The following ARL15 variants were observed in gnomAD, a reference collection of about 807,000 sequenced individuals.
ARL15 encodes the protein ARF like GTPase 15.
Under a neutral mutation model 25.2 loss-of-function variants are expected in ARL15, and 19 were observed. The observed-to-expected ratio is 0.75, with a 90% CI of 0.53 to 1.10. The LOEUF (loss-of-function observed/expected upper bound fraction) is 1.10. Ranked by LOEUF, ARL15 falls within the 50% of genes least tolerant of loss-of-function variation. The pLI, the probability that ARL15 is intolerant of heterozygous loss-of-function variation, is 0.00. For missense variants in ARL15, 220 were observed against 246.0 expected, an observed-to-expected ratio of 0.89 and a Z score of 0.71; for synonymous variants, 94 against 86.8, an observed-to-expected ratio of 1.08 and a Z score of -0.46.
intron 4 of ARL15, among the ~76,000 whole-genome samples, chr5:54,061,653 C>T (rs894453624): frequency 3.3e-5 from 5 of 152,100 alleles, no homozygotes; most frequent in African/African-American, 1.2e-4. Flanking sequence ...GGAACCTCCA[C>T]CTAGATTTGA....
chr5:54,164,244 T>C (rs1262625231), intron 2 of ARL15, among the ~76,000 whole-genome samples: 1 of 152,066 alleles, frequency 6.6e-6, no homozygotes, highest in African/African-American at 2.4e-5. Context: ...TGGATATAAC[T>C]TGAAGCCACT....
At chr5:54,257,414 G>A (rs1757397586) in intron 1 of ARL15, among the ~76,000 whole-genome samples, 1 of 152,146 alleles carries the variant, frequency 6.6e-6, no homozygotes, top group African/African-American at 2.4e-5. Flanking sequence ...TCACCAAAGA[G>A]GAACACACCC....
chr5:54,153,607 T>G (rs576017156), intron 3 of ARL15, among the ~76,000 whole-genome samples: 1 of 152,308 alleles, frequency 6.6e-6, no homozygotes, highest in Non-Finnish European at 1.5e-5. Flanking sequence ...TTTTATATAT[T>G]AATGCTATAA....
intron 1 of ARL15, among the ~76,000 whole-genome samples, chr5:54,255,484 C>A (rs1352666659): frequency 1.7e-4 from 26 of 152,164 alleles, no homozygotes; most frequent in Non-Finnish European, 5.9e-5. Flanking sequence ...TTTGTTTCGT[C>A]TCCCTTTAAA....
At chr5:54,030,905 A>G (rs401449) in intron 4 of ARL15, among the ~76,000 whole-genome samples, 46,116 of 151,856 alleles carry the variant, frequency 0.3, 7,930 homozygotes, top group African/African-American at 0.46. Flanking sequence ...ATGGTTGAAA[A>G]GATTAGGATG....
chr5:54,150,281 A>G (rs154041), intron 3 of ARL15, among the ~76,000 whole-genome samples: 31,752 of 152,192 alleles, frequency 0.21, 4,032 homozygotes, highest in East Asian at 0.68. Context: ...TTTGGAAAGT[A>G]GAAGTAAGAC....
intron 1 of ARL15, among the ~76,000 whole-genome samples, chr5:54,282,101 A>T (rs554723975): frequency 5.9e-5 from 9 of 152,378 alleles, no homozygotes; most frequent in African/African-American, 1.9e-4. Flanking sequence ...AGAATTACTC[A>T]GTCACAAGAT....
At chr5:54,024,662 C>T (rs1749726478) in intron 4 of ARL15, among the ~76,000 whole-genome samples, 1 of 152,048 alleles carries the variant, frequency 6.6e-6, no homozygotes, top group South Asian at 2.1e-4. Flanking sequence ...TAACACATAA[C>T]CCTATTTCCT....
At chr5:54,109,474 T>C (rs1034824767) in intron 4 of ARL15, among the ~76,000 whole-genome samples, 1 of 151,952 alleles carries the variant, frequency 6.6e-6, no homozygotes, top group African/African-American at 2.4e-5. Flanking sequence ...AATAAGATTT[T>C]AAAAACCAGG....
chr5:53,990,068 A>G (rs1003973267), intron 4 of ARL15, among the ~76,000 whole-genome samples: 5 of 152,006 alleles, frequency 3.3e-5, no homozygotes, highest in African/African-American at 1.2e-4. Context: ...ACCCATTGAA[A>G]AATTTAAAAA....
intron 4 of ARL15, among the ~76,000 whole-genome samples, chr5:54,100,294 T>C (rs955174009): frequency 1.3e-5 from 2 of 152,070 alleles, no homozygotes; most frequent in African/African-American, 2.4e-5. Flanking sequence ...TTCTTGCTTC[T>C]GAAGGAGAAA....
At chr5:54,131,663 A>T (rs952682964) in intron 3 of ARL15, among the ~76,000 whole-genome samples, 2 of 152,196 alleles carry the variant, frequency 1.3e-5, no homozygotes, top group African/African-American at 4.8e-5. Flanking sequence ...ATTCAAGTAA[A>T]TTTACTCCAG....
At chr5:54,191,462 G>T (rs72752147) in intron 1 of ARL15, among the ~76,000 whole-genome samples, 20,907 of 150,428 alleles carry the variant, frequency 0.14, 1,808 homozygotes, top group Non-Finnish European at 0.21. Context: ...AGTTAAGATG[G>T]TGAATTTTAT....
chr5:54,308,968 G>A (rs1187783316), intron 1 of ARL15, among the ~76,000 whole-genome samples: 2 of 152,286 alleles, frequency 1.3e-5, no homozygotes, highest in African/African-American at 2.4e-5. Flanking sequence ...TAGGCAGACT[G>A]CAAGACAAAA....
chr5:53,939,883 ACGT>A (rs1394625363), intron 4 of ARL15, among the ~76,000 whole-genome samples: 1 of 152,108 alleles, frequency 6.6e-6, no homozygotes, highest in Non-Finnish European at 1.5e-5. Flanking sequence ...ATATGAACAG[ACGT>A]TTGTAACTTA....
chr5:54,029,721 C>T (rs1465384547), intron 4 of ARL15, among the ~76,000 whole-genome samples: 1 of 152,038 alleles, frequency 6.6e-6, no homozygotes, highest in Non-Finnish European at 1.5e-5. Context: ...TGGCTGGGCG[C>T]GGTGGCTCAC....
intron 1 of ARL15, among the ~76,000 whole-genome samples, chr5:54,308,293 G>A (rs1257227547): frequency 1.3e-5 from 2 of 152,142 alleles, no homozygotes; most frequent in Admixed American, 1.3e-4. Context: ...AAACTAAACT[G>A]TTTCCTTTAA....
At chr5:54,045,694 A>C (rs1750485682) in intron 4 of ARL15, among the ~76,000 whole-genome samples, 1 of 151,942 alleles carries the variant, frequency 6.6e-6, no homozygotes, top group Non-Finnish European at 1.5e-5. Context: ...CCAAGGTTGC[A>C]GGTTCAGACA....
chr5:54,058,271 G>C (rs1750951425), intron 4 of ARL15, among the ~76,000 whole-genome samples: 1 of 152,112 alleles, frequency 6.6e-6, no homozygotes, highest in Admixed American at 6.6e-5. Context: ...CTCCCAAAGT[G>C]CTGGGATTAC....
Sources: gnomAD v4.1 joint callset for allele counts (sites outside exome capture counted in the v4.1 genomes callset) on GRCh38, gnomAD v4.1.1 for gene constraint, MANE v1.5 for transcripts, NCBI Gene and HGNC (gene_info 2026-07-23, HGNC 2026-07-21) for gene names.